Variants in TMEM178B observed in about 807,000 individuals in gnomAD.
TMEM178B encodes the protein transmembrane protein 178B.
A neutral mutation model predicts 31.0 loss-of-function variants in TMEM178B; 5 were observed. The observed-to-expected ratio is 0.16, with a 90% CI of 0.08 to 0.34. TMEM178B has a LOEUF of 0.34. Ranked by LOEUF, TMEM178B falls within the 10% of genes least tolerant of loss-of-function variation. TMEM178B has a pLI of 1.00. For synonymous variants in TMEM178B, 164 were observed against 164.0 expected, an observed-to-expected ratio of 1.00 and a Z score of 0.00; for missense variants, 275 against 400.3, an observed-to-expected ratio of 0.69 and a Z score of 2.67.
At chr7:141,227,856 C>G (rs951396243) in intron 2 of TMEM178B, among the ~76,000 whole-genome samples, 11 of 152,158 alleles carry the variant, frequency 7.2e-5, no homozygotes, top group Non-Finnish European at 1.6e-4. Flanking sequence ...GTTTTCTAAC[C>G]CACTCTTTAA....
intron 1 of TMEM178B, among the ~76,000 whole-genome samples, chr7:141,210,092 C>T (rs1180081432): frequency 1.2e-4 from 19 of 152,120 alleles, no homozygotes; most frequent in Admixed American, 1.2e-3. Context: ...GTTAGACAGT[C>T]CTGGGTTTTA....
intron 2 of TMEM178B, among the ~76,000 whole-genome samples, chr7:141,312,678 A>G (rs1798932996): frequency 6.6e-6 from 1 of 152,210 alleles, no homozygotes; most frequent in Non-Finnish European, 1.5e-5. Context: ...ATTTGCTTCA[A>G]TGATTTGCAT....
chr7:141,303,514 A>C (rs2116445255), intron 2 of TMEM178B, among the ~76,000 whole-genome samples: 1 of 152,274 alleles, frequency 6.6e-6, no homozygotes, highest in Non-Finnish European at 1.5e-5. Context: ...GCCTCCCCAA[A>C]CCTGACGAGC....
chr7:141,440,665 T>G (rs116337471), intron 3 of TMEM178B, among the ~76,000 whole-genome samples: 4,092 of 152,284 alleles, frequency 0.027, 185 homozygotes, highest in African/African-American at 0.092. Flanking sequence ...ATCTGCTTTC[T>G]TGGGGACATG....
intron 2 of TMEM178B, among the ~76,000 whole-genome samples, chr7:141,235,850 T>G (rs559747435): frequency 6.6e-6 from 1 of 152,320 alleles, no homozygotes; most frequent in African/African-American, 2.4e-5. Flanking sequence ...GCCCTTGCCC[T>G]TTGAATCTTA....
chr7:141,337,992 C>A (rs1799453513), intron 2 of TMEM178B, among the ~76,000 whole-genome samples: 1 of 152,144 alleles, frequency 6.6e-6, no homozygotes, highest in Non-Finnish European at 1.5e-5. Context: ...CACCCGTCAC[C>A]ACGCCCGGCT....
At chr7:141,219,631 C>G (rs910435456) in intron 2 of TMEM178B, among the ~76,000 whole-genome samples, 1 of 152,138 alleles carries the variant, frequency 6.6e-6, no homozygotes, top group African/African-American at 2.4e-5. Flanking sequence ...CTGCCCCAAC[C>G]CGGCCCCTGC....
intron 2 of TMEM178B, among the ~76,000 whole-genome samples, chr7:141,225,134 C>A (rs1006292510): frequency 3.9e-5 from 6 of 152,150 alleles, no homozygotes; most frequent in Non-Finnish European, 8.8e-5. Context: ...CCCAGAGCTA[C>A]AAGAAGAGGC....
chr7:141,510,549 G>A, the TMEM178B span, among the ~76,000 whole-genome samples: 8 of 151,562 alleles, frequency 5.3e-5, no homozygotes, highest in African/African-American at 1.9e-4. Flanking sequence ...GCCAAGTGTG[G>A]TGGTGCATGC....
At chr7:141,439,864 T>A in intron 3 of TMEM178B, among the ~76,000 whole-genome samples, 1 of 152,182 alleles carries the variant, frequency 6.6e-6, no homozygotes, top group East Asian at 1.9e-4. Context: ...AAGGTTCAGA[T>A]CCTGCCCAGG....
chr7:141,105,915 T>C lies in TMEM178B; in HGVS notation c.382+31223T>C, dbSNP rs1022089184. Among the ~76,000 whole-genome samples the C allele has an allele frequency of 2.0e-5, 3 of 152,062 alleles. No homozygotes were observed. The East Asian group carries it at 5.8e-4, about 30-fold the overall frequency. On this transcript the variant is annotated intron_variant, in intron 1 of 3. Transcript: ENST00000565468. ...TTAGAGACCAGCCTGGGCAACATAGTGAAACCCTGTGTCTACTAAAAATAT... is the reference window on the plus strand; with the variant it reads ...TTAGAGACCAGCCTGGGCAACATAGCGAAACCCTGTGTCTACTAAAAATAT...
intron 2 of TMEM178B, among the ~76,000 whole-genome samples, chr7:141,251,068 G>T (rs921250737): frequency 1.3e-5 from 2 of 152,002 alleles, no homozygotes; most frequent in Admixed American, 6.6e-5. Context: ...AGATTTTGCA[G>T]ATCTTTTTTA....
At chr7:141,123,324 G>T (rs1449808537) in intron 1 of TMEM178B, among the ~76,000 whole-genome samples, 1 of 152,242 alleles carries the variant, frequency 6.6e-6, no homozygotes, top group Admixed American at 6.5e-5. Context: ...GACTGGTGGT[G>T]TCACTGTCTG....
At chr7:141,383,605 A>G (rs1563167325) in intron 2 of TMEM178B, among the ~76,000 whole-genome samples, 1 of 152,012 alleles carries the variant, frequency 6.6e-6, no homozygotes, top group Non-Finnish European at 1.5e-5. Context: ...CATTTTCTTA[A>G]TCCAGTATAT....
intron 2 of TMEM178B, among the ~76,000 whole-genome samples, chr7:141,216,582 G>A (rs557526771): frequency 3.0e-4 from 45 of 152,088 alleles, no homozygotes; most frequent in African/African-American, 8.9e-4. Flanking sequence ...GGTGATCTTT[G>A]TGGATGAGGT....
At chr7:141,251,972 A>G (rs1287666951) in intron 2 of TMEM178B, among the ~76,000 whole-genome samples, 1 of 152,088 alleles carries the variant, frequency 6.6e-6, no homozygotes, top group Non-Finnish European at 1.5e-5. Flanking sequence ...CTCTTAAGAG[A>G]GAGACATTTC....
chr7:141,128,827 C>T (rs1306112918), intron 1 of TMEM178B, among the ~76,000 whole-genome samples: 1 of 152,056 alleles, frequency 6.6e-6, no homozygotes, highest in Non-Finnish European at 1.5e-5. Context: ...AGCCTCTTCT[C>T]CTCTGCTGTT....
intron 2 of TMEM178B, among the ~76,000 whole-genome samples, chr7:141,215,828 TTC>T (rs1197288224): frequency 2.0e-5 from 1 of 48,874 alleles, no homozygotes; most frequent in Non-Finnish European, 5.2e-5. Context: ...CTTTCTTTCT[TTC>T]TTTCTTTCTT....
intron 2 of TMEM178B, among the ~76,000 whole-genome samples, chr7:141,270,815 T>C (rs1798169784): frequency 6.6e-6 from 1 of 152,216 alleles, no homozygotes; most frequent in Admixed American, 6.5e-5. Context: ...GCCACTGCAC[T>C]TTGGCCACTG....
Sources: gnomAD v4.1 joint callset for allele counts (sites outside exome capture counted in the v4.1 genomes callset) on GRCh38, gnomAD v4.1.1 for gene constraint, MANE v1.5 for transcripts, NCBI Gene and HGNC (gene_info 2026-07-23, HGNC 2026-07-21) for gene names.